The following XXYLT1 variants were observed in gnomAD, a reference collection of about 807,000 sequenced individuals.
XXYLT1 encodes UDP-xylose:alpha-xyloside alpha-1,3-xylosyltransferase.
In XXYLT1, 20 loss-of-function variants were observed where a neutral mutation model predicts 28.9. The ratio of observed to expected loss-of-function variants is 0.69; its 90% CI spans 0.49 to 1.00. The LOEUF is 1.00. Among genes scored for constraint, XXYLT1 ranks in the 50% least tolerant of loss-of-function variants. The pLI, the probability that XXYLT1 is intolerant of heterozygous loss-of-function variation, is 0.00. For synonymous variants in XXYLT1, 257 were observed against 253.8 expected, an observed-to-expected ratio of 1.01 and a Z score of -0.12; for missense variants, 542 against 560.1, an observed-to-expected ratio of 0.97 and a Z score of 0.33.
At chr3:195,084,400 A>T (rs1190379863) in intron 3 of XXYLT1, among the ~76,000 whole-genome samples, 1 of 152,006 alleles carries the variant, frequency 6.6e-6, no homozygotes, top group Non-Finnish European at 1.5e-5. Context: ...CGCTGAAAAA[A>T]ACCTATAGAG....
At chr3:195,190,150 C>T (rs1489165573) in intron 2 of XXYLT1, among the ~76,000 whole-genome samples, 1 of 142,906 alleles carries the variant, frequency 7.0e-6, no homozygotes, top group African/African-American at 3.1e-5. Flanking sequence ...AAGAACATTT[C>T]TGTATAAACA....
rs142979733 is a variant in XXYLT1 at position 195,168,423 on chromosome 3, GAAAT to G, written c.653-11846_653-11843del. Among the ~76,000 whole-genome samples the G allele has an allele frequency of 0.041, 6,304 of 152,304 alleles. 450 individuals are homozygous for G. The highest frequency in any genetic ancestry group is 0.14 in the African/African-American group (5,934 of 41,528). Reference sequence around the variant, plus strand: ...GCACTATGCTAAATGTGAGGGTTCAGAAATAAATAGTGTCTTTCCTAGCCTCAAA... The same window carrying G: ...GCACTATGCTAAATGTGAGGGTTCAGAAATAGTGTCTTTCCTAGCCTCAAA... On this transcript the variant is annotated intron_variant, in intron 2 of 3. Coordinates refer to ENST00000310380, the MANE Select transcript of XXYLT1 (RefSeq NM_152531.5). The surrounding 1 kb of genome is among the most constrained non-coding windows in gnomAD (Gnocchi z 4.3).
At chr3:195,160,186 A>C (rs1253024906) in intron 2 of XXYLT1, among the ~76,000 whole-genome samples, 1 of 152,212 alleles carries the variant, frequency 6.6e-6, no homozygotes, top group East Asian at 1.9e-4. Context: ...TTAACACACA[A>C]AAAGCAACAC....
chr3:195,100,688 G>A lies in XXYLT1; in HGVS notation c.786-30577C>T, dbSNP rs371726537. 3.5e-3 allele frequency among the ~76,000 whole-genome samples: 533 copies of A among 151,986 alleles called. 4 individuals are homozygous for A. Among genetic ancestry groups the A allele is most frequent in the African/African-American group, 0.012 (495 of 41,448 alleles). On this transcript the variant is annotated intron_variant, in intron 3 of 3. Coordinates refer to ENST00000310380, the MANE Select transcript of XXYLT1 (RefSeq NM_152531.5). ...GGCTGTGGTGCCCTTCTCCCTCCTC[G>A]TCCACCAGAAAACTTCTTGTCACGA... is the stretch of plus-strand genomic sequence containing the variant.
intron 1 of XXYLT1, among the ~76,000 whole-genome samples, chr3:195,261,693 T>A (rs1019675601): frequency 1.4e-4 from 21 of 152,138 alleles, no homozygotes; most frequent in African/African-American, 5.1e-4. Context: ...GGGGTTTTTT[T>A]AAGAAAATGC....
chr3:195,101,675 T>C (rs1716780778), intron 3 of XXYLT1, among the ~76,000 whole-genome samples: 1 of 151,354 alleles, frequency 6.6e-6, no homozygotes, highest in Admixed American at 6.6e-5. Context: ...AAAAAATACA[T>C]CTGAGCCGGG....
chr3:195,120,842 T>C (rs1438686588), intron 3 of XXYLT1, among the ~76,000 whole-genome samples: 1 of 152,188 alleles, frequency 6.6e-6, no homozygotes, highest in Non-Finnish European at 1.5e-5. Flanking sequence ...GCGGCCTGGC[T>C]GGCACAGCTC....
At chr3:195,125,896 A>C (rs1257620063) in intron 3 of XXYLT1, among the ~76,000 whole-genome samples, 1 of 152,184 alleles carries the variant, frequency 6.6e-6, no homozygotes, top group African/African-American at 2.4e-5. Flanking sequence ...CCCCGCCCAG[A>C]CAACACTGCC....
At chr3:195,119,166 C>T (rs2108610416) in intron 3 of XXYLT1, among the ~76,000 whole-genome samples, 1 of 107,022 alleles carries the variant, frequency 9.3e-6, no homozygotes, top group South Asian at 2.5e-4. Context: ...CGCCTGTAAT[C>T]CCAGCTACTC....
At chr3:195,084,880 C>T (rs1715633641) in intron 3 of XXYLT1, among the ~76,000 whole-genome samples, 3 of 152,318 alleles carry the variant, frequency 2.0e-5, no homozygotes, top group African/African-American at 7.2e-5. Context: ...GGGGACAGTA[C>T]ACCTTGGCTC....
intron 3 of XXYLT1, among the ~76,000 whole-genome samples, chr3:195,125,632 A>C (rs1293398398): frequency 6.6e-6 from 1 of 152,260 alleles, no homozygotes; most frequent in African/African-American, 2.4e-5. Flanking sequence ...AAGCTCAATC[A>C]ATCCCCTGGC....
chr3:195,256,076 G>A lies in XXYLT1; in HGVS notation c.504+14479C>T, dbSNP rs912632075. Among the ~76,000 whole-genome samples the A allele has an allele frequency of 6.6e-6, 1 of 152,184 alleles. No individual in the cohort carries two copies. The highest frequency in any genetic ancestry group is 1.5e-5 in the Non-Finnish European group (1 of 68,030). On this transcript the variant is annotated intron_variant, in intron 1 of 3. Coordinates refer to ENST00000310380, the MANE Select transcript of XXYLT1 (RefSeq NM_152531.5). The surrounding 1 kb of genome is among the most constrained non-coding windows in gnomAD (Gnocchi z 4.2). ...CAGGGGCACCGTGGGAACCCTTCTG[G>A]TGGGGCCCCAGCTCTCACAGAGCAT...
intron 2 of XXYLT1, among the ~76,000 whole-genome samples, chr3:195,184,143 G>A (rs1376093840): frequency 6.6e-6 from 1 of 152,204 alleles, no homozygotes. Flanking sequence ...AACCATCAGA[G>A]CAAGATACAC....
intron 1 of XXYLT1, among the ~76,000 whole-genome samples, chr3:195,247,182 G>A (rs533723890): frequency 4.8e-4 from 73 of 152,278 alleles, no homozygotes; most frequent in African/African-American, 1.4e-3. Context: ...GTATGGCAGC[G>A]AGGGAAAGAC....
At chr3:195,108,434 A>T (rs1394038079) in intron 3 of XXYLT1, among the ~76,000 whole-genome samples, 4 of 152,246 alleles carry the variant, frequency 2.6e-5, no homozygotes, top group Non-Finnish European at 1.5e-5. Flanking sequence ...CCTGTCTGTA[A>T]AATACACATT....
At chr3:195,174,822 G>A (rs1721581917) in intron 2 of XXYLT1, among the ~76,000 whole-genome samples, 1 of 150,726 alleles carries the variant, frequency 6.6e-6, no homozygotes, top group Non-Finnish European at 1.5e-5. Context: ...CCACTATGTT[G>A]CCTGAGCTGG....
Position 195,180,121 on chromosome 3 carries a change from C to T in XXYLT1, c.653-23540G>A, listed in dbSNP as rs1721877510. Reference sequence around the variant, plus strand: ...GGGTTCTGGCAGAGCACCGCTGACCCGTCATGGAAGGAGGGGAGCAAACAA... The same window carrying T: ...GGGTTCTGGCAGAGCACCGCTGACCTGTCATGGAAGGAGGGGAGCAAACAA... On this transcript the variant is annotated intron_variant, in intron 2 of 3. Transcript: ENST00000310380. The surrounding 1 kb of genome is among the most constrained non-coding windows in gnomAD (Gnocchi z 5.8). Among the ~76,000 whole-genome samples the T allele has an allele frequency of 6.6e-6, 1 of 152,178 alleles. No individual in the cohort carries two copies. The highest frequency in any genetic ancestry group is 2.1e-4 in the South Asian group (1 of 4,824).
At position 195,192,424 on chromosome 3, in the gene XXYLT1, C is replaced by CAAAA. The variant is rs1301489501; in HGVS notation, c.652+34284_652+34285insTTTT. On this transcript the variant is annotated intron_variant, in intron 2 of 3. Coordinates refer to ENST00000310380, the MANE Select transcript of XXYLT1 (RefSeq NM_152531.5). ...TGGGTAACCAAGTGAGACTCTGTCT[C>CAAAA]AAGAAAAAAAAAAAAATTAAACAAT... Among the ~76,000 whole-genome samples, 13 of 142,156 alleles carry CAAAA rather than the reference C, an allele frequency of 9.1e-5. 1 individual carries two copies. Among genetic ancestry groups the CAAAA allele is most frequent in the African/African-American group, 3.2e-4 (12 of 37,588 alleles). The allele number at this position is 142,156 out of a possible 152,430, so 93.3% of individuals were successfully genotyped here. A position where few individuals can be genotyped will look rare whatever the true frequency, so the allele number is the denominator to read the frequency against.
At chr3:195,171,719 C>A (rs1395506746) in intron 2 of XXYLT1, among the ~76,000 whole-genome samples, 1 of 152,230 alleles carries the variant, frequency 6.6e-6, no homozygotes, top group Non-Finnish European at 1.5e-5. Context: ...GTCGCTTCCC[C>A]ACAGGTCTGT....
Sources: allele counts gnomAD v4.1 joint callset (sites outside exome capture counted in the v4.1 genomes callset), GRCh38; gene constraint gnomAD v4.1.1; non-coding constraint Gnocchi (gnomAD v3.1); transcripts MANE v1.5; gene names NCBI Gene and HGNC (gene_info 2026-07-23, HGNC 2026-07-21).